Variants in NAALADL2 observed in about 807,000 individuals in gnomAD.
The protein encoded by NAALADL2 is N-acetylated alpha-linked acidic dipeptidase like 2.
A neutral mutation model predicts 87.2 loss-of-function variants in NAALADL2; 76 were observed. The observed-to-expected ratio is 0.87, with a 90% CI of 0.72 to 1.05. The LOEUF (loss-of-function observed/expected upper bound fraction) is 1.05. Among genes scored for constraint, NAALADL2 ranks in the 50% least tolerant of loss-of-function variants. NAALADL2 has a pLI of 0.00. For synonymous variants in NAALADL2, 354 were observed against 331.0 expected (o/e 1.07, Z -0.75); for missense variants, 1,089 against 945.8 (o/e 1.15, Z -1.99).
intron 2 of NAALADL2, among the ~76,000 whole-genome samples, chr3:174,596,794 A>G (rs1333276346): frequency 6.6e-6 from 1 of 152,196 alleles, no homozygotes; most frequent in Non-Finnish European, 1.5e-5. Context: ...GTCATGGCCA[A>G]TTTAGATTAG....
At chr3:175,335,064 A>T (rs1008491888) in intron 5 of NAALADL2, among the ~76,000 whole-genome samples, 4 of 152,184 alleles carry the variant, frequency 2.6e-5, no homozygotes, top group African/African-American at 9.6e-5. Flanking sequence ...CTGAGACAAC[A>T]GGCTCTCTCT....
chr3:175,645,562 T>C (rs1286532323), intron 11 of NAALADL2, among the ~76,000 whole-genome samples: 2 of 151,956 alleles, frequency 1.3e-5, no homozygotes, highest in Non-Finnish European at 2.9e-5. Context: ...CATATAAGAA[T>C]TATCTAGTTA....
chr3:174,837,586 G>T (rs1723492092), intron 3 of NAALADL2, among the ~76,000 whole-genome samples: 1 of 152,178 alleles, frequency 6.6e-6, no homozygotes, highest in Non-Finnish European at 1.5e-5. Flanking sequence ...CTGAGGTCAG[G>T]AGTTTGAGAC....
At chr3:174,672,730 G>T (rs1003103169) in intron 2 of NAALADL2, among the ~76,000 whole-genome samples, 1 of 152,002 alleles carries the variant, frequency 6.6e-6, no homozygotes, top group African/African-American at 2.4e-5. Flanking sequence ...GATTATTAAA[G>T]AGAAGAGTAT....
At chr3:175,663,432 TTCTC>T (rs1277410009) in intron 11 of NAALADL2, among the ~76,000 whole-genome samples, 2 of 151,812 alleles carry the variant, frequency 1.3e-5, no homozygotes, top group African/African-American at 4.8e-5. Context: ...TATTTGAATA[TTCTC>T]TCTCTATTTT....
chr3:175,279,163 A>T (rs1671152304), intron 4 of NAALADL2, among the ~76,000 whole-genome samples: 1 of 152,288 alleles, frequency 6.6e-6, no homozygotes, highest in African/African-American at 2.4e-5. Flanking sequence ...TGCGCCTGAC[A>T]GTGACAAGTC....
chr3:175,625,280 G>A (rs1464319947), intron 10 of NAALADL2, among the ~76,000 whole-genome samples: 1 of 151,962 alleles, frequency 6.6e-6, no homozygotes. Flanking sequence ...AGAATGTCAT[G>A]TTTCAAACAT....
At chr3:174,585,226 G>T (rs1560072948) in intron 2 of NAALADL2, among the ~76,000 whole-genome samples, 1 of 151,962 alleles carries the variant, frequency 6.6e-6, no homozygotes, top group African/African-American at 2.4e-5. Context: ...GTGGAGTTTT[G>T]AAAAAAATCC....
chr3:174,461,397 T>A (rs991721060), intron 1 of NAALADL2, among the ~76,000 whole-genome samples: 1 of 152,134 alleles, frequency 6.6e-6, no homozygotes, highest in African/African-American at 2.4e-5. Flanking sequence ...CAATAAAGTT[T>A]ATCAGTTTGT....
chr3:175,210,916 TATTA>T (rs1299624923), intron 2 of NAALADL2, among the ~76,000 whole-genome samples: 12 of 151,952 alleles, frequency 7.9e-5, no homozygotes, highest in African/African-American at 2.4e-4. Flanking sequence ...TTTATTTATT[TATTA>T]ATTGACATTT....
intron 1 of NAALADL2, among the ~76,000 whole-genome samples, chr3:175,000,288 T>A (rs757130000): frequency 6.6e-6 from 1 of 152,212 alleles, no homozygotes; most frequent in Non-Finnish European, 1.5e-5. Flanking sequence ...TAGAAGTATA[T>A]GCAAGTCTAT....
intron 2 of NAALADL2, among the ~76,000 whole-genome samples, chr3:175,099,809 T>TA (rs1270915068): frequency 6.6e-6 from 1 of 152,142 alleles, no homozygotes; most frequent in Non-Finnish European, 1.5e-5. Context: ...GCAGACTCTA[T>TA]AAGAGAATGG....
In NAALADL2 at chr3:174,762,697, C is replaced by T. The variant is rs375145970; in HGVS notation, c.-9+24951C>T. Among the ~76,000 whole-genome samples the T allele has an allele frequency of 3.9e-4, 59 of 152,096 alleles. No individual in the cohort carries two copies. The East Asian group carries it at 0.01, about 26-fold the overall frequency. Reference sequence around the variant, plus strand: ...ATACAAAACATTGCCCCAGAGTCATCCTGAGGCAATTCTGCAGCATCAGCT... The same window carrying T: ...ATACAAAACATTGCCCCAGAGTCATTCTGAGGCAATTCTGCAGCATCAGCT... On this transcript the variant is annotated intron_variant, in intron 3 of 3. Coordinates refer to the NAALADL2 transcript ENST00000434257.
chr3:175,124,035 G>A (rs1462629791), intron 2 of NAALADL2, among the ~76,000 whole-genome samples: 2 of 151,878 alleles, frequency 1.3e-5, no homozygotes, highest in Non-Finnish European at 1.5e-5. Flanking sequence ...TCAGATTGCA[G>A]ACCTCTGTGT....
intron 12 of NAALADL2, 131 bp downstream of exon 12, chr3:175,737,530 C>A: frequency 1.6e-6 from 1 of 607,488 alleles, no homozygotes. Context: ...GAGGCTGATC[C>A]TGGGAAGGAC....
At chr3:174,835,314 G>T (rs893261037) in intron 3 of NAALADL2, among the ~76,000 whole-genome samples, 1 of 152,218 alleles carries the variant, frequency 6.6e-6, no homozygotes, top group Non-Finnish European at 1.5e-5. Flanking sequence ...ACATGCAAAA[G>T]AAGTTGGACC....
chr3:175,708,184 A>G (rs1427427916), intron 11 of NAALADL2, among the ~76,000 whole-genome samples: 3 of 152,122 alleles, frequency 2.0e-5, no homozygotes, highest in Non-Finnish European at 2.9e-5. Context: ...AGAAGTAAGA[A>G]GCCATATAAA....
chr3:175,455,073 C>T (rs990561888), intron 6 of NAALADL2, among the ~76,000 whole-genome samples: 1 of 152,018 alleles, frequency 6.6e-6, no homozygotes, highest in African/African-American at 2.4e-5. Flanking sequence ...GTTGTAGGAC[C>T]GGGCAAGTAC....
intron 2 of NAALADL2, among the ~76,000 whole-genome samples, chr3:174,694,643 A>G (rs1728864043): frequency 6.6e-6 from 1 of 151,996 alleles, no homozygotes. Flanking sequence ...GTTTTGGGGA[A>G]GTTGTTAATA....
Sources: gnomAD v4.1 joint callset for allele counts (sites outside exome capture counted in the v4.1 genomes callset) on GRCh38, gnomAD v4.1.1 for gene constraint, MANE v1.5 for transcripts, NCBI Gene and HGNC (gene_info 2026-07-23, HGNC 2026-07-21) for gene names.